The following TAF15 variants were observed in gnomAD, a reference collection of about 807,000 sequenced individuals.
The protein encoded by TAF15 is TATA-box binding protein associated factor 15.
A neutral mutation model predicts 102.5 loss-of-function variants in TAF15; 37 were observed. That is an observed-to-expected ratio of 0.36 (90% CI 0.28 to 0.47). The LOEUF (loss-of-function observed/expected upper bound fraction) is 0.47. Ranked by LOEUF, TAF15 falls within the 20% of genes least tolerant of loss-of-function variation. The probability of loss-of-function intolerance (pLI) is 0.99; values close to 1 mark genes in which losing one functional copy is unlikely to be tolerated. For missense variants in TAF15, 652 were observed against 760.7 expected, an observed-to-expected ratio of 0.86 and a Z score of 1.68; for synonymous variants, 273 against 259.2, an observed-to-expected ratio of 1.05 and a Z score of -0.51.
rs2087209980 is a variant in TAF15 at position 35,817,588 on chromosome 17, C to G, written c.8-128C>G. ...AAATTTCTTGTTTCATAGTATTTAA[C>G]TTGAGTTAGTTTTTCTTTCTGCAGT... On this transcript the variant is annotated intron_variant, in intron 1 of 15. Transcript: ENST00000605844. The G allele has an allele frequency of 6.4e-6, 5 of 784,836 alleles. No individual in the cohort carries two copies. The Admixed American group carries it at 1.2e-4, about 20-fold the overall frequency. The allele number at this position is 784,836 out of a possible 1,614,324, so 48.6% of individuals were successfully genotyped here.
chr17:35,827,812 A>T (rs568900618), intron 7 of TAF15, among the ~76,000 whole-genome samples: 6 of 152,324 alleles, frequency 3.9e-5, no homozygotes, highest in Admixed American at 1.3e-4. Context: ...CTAGAAGAAG[A>T]ATTCCCGGTC....
intron 7 of TAF15, among the ~76,000 whole-genome samples, chr17:35,829,641 AAAAAAAAAAAAAAAAG>A (rs1333011135): frequency 6.3e-4 from 87 of 138,424 alleles, no homozygotes; most frequent in African/African-American, 2.0e-3. Flanking sequence ...CAAAAAAAAA[AAAAAAAAAAAAAAAAG>A]AGAGAGAGAG....
intron 1 of TAF15, 60 bp downstream of exon 1, chr17:35,809,636 G>C: frequency 3.1e-6 from 5 of 1,610,788 alleles, no homozygotes; most frequent in Non-Finnish European, 4.2e-6. Context: ...GGGTTGGGCT[G>C]TCTTCCCGCC....
chr17:35,841,997 C>A (rs747810014), intron 11 of TAF15, among the ~76,000 whole-genome samples: 4 of 151,956 alleles, frequency 2.6e-5, no homozygotes, highest in Non-Finnish European at 5.9e-5. Context: ...TGCACCTGGC[C>A]TTTTTCTCCA....
chr17:35,836,367 G>A (rs2087475015), intron 10 of TAF15, 126 bp downstream of exon 10: 2 of 681,720 alleles, frequency 2.9e-6, no homozygotes, highest in East Asian at 2.7e-5. Flanking sequence ...GCACATGCTC[G>A]TTTATGTCTG....
intron 10 of TAF15, among the ~76,000 whole-genome samples, chr17:35,837,151 G>C (rs999645841): frequency 6.6e-6 from 1 of 151,884 alleles, no homozygotes; most frequent in Non-Finnish European, 1.5e-5. Context: ...TAATTTTGTT[G>C]TTGTCGTTGT....
intron 7 of TAF15, among the ~76,000 whole-genome samples, chr17:35,832,553 C>T (rs1251544530): frequency 1.3e-5 from 2 of 151,870 alleles, no homozygotes; most frequent in Non-Finnish European, 2.9e-5. Flanking sequence ...GGTTCCTCCC[C>T]CCACCCCCCA....
At chr17:35,816,208 G>A (rs907457764) in intron 1 of TAF15, among the ~76,000 whole-genome samples, 6 of 152,098 alleles carry the variant, frequency 3.9e-5, no homozygotes, top group African/African-American at 1.4e-4. Context: ...GGCAAATTTG[G>A]TATCACCCAC....
chr17:35,844,056 C>G lies in TAF15; in HGVS notation c.1007-21C>G, dbSNP rs574790812. The G allele has an allele frequency of 1.1e-5, 17 of 1,610,676 alleles. 1 individual carries two copies. In the South Asian group the frequency reaches 1.9e-4, roughly 18 times the overall value. ...GTTAATATCTGCTGCTGATTTTTCT[C>G]CCCTGGCCCCATCCCCCTAGGCCGT... On this transcript the variant is annotated intron_variant, in intron 12 of 15. Coordinates refer to ENST00000605844, the MANE Select transcript of TAF15 (RefSeq NM_139215.3).
intron 7 of TAF15, among the ~76,000 whole-genome samples, chr17:35,825,305 A>C (rs1435930792): frequency 6.6e-6 from 1 of 152,226 alleles, no homozygotes; most frequent in Non-Finnish European, 1.5e-5. Flanking sequence ...TGATAGCCAA[A>C]GTCAGTTTAC....
At chr17:35,826,850 G>A (rs778052107) in intron 7 of TAF15, among the ~76,000 whole-genome samples, 5 of 150,868 alleles carry the variant, frequency 3.3e-5, no homozygotes, top group African/African-American at 4.9e-5. Context: ...GAGCCACCAC[G>A]CCTGGCTGAA....
intron 1 of TAF15, chr17:35,816,928 A>G (rs1432494733): frequency 7.0e-6 from 1 of 142,432 alleles, no homozygotes; most frequent in African/African-American, 2.6e-5. Flanking sequence ...GGATCAGGTG[A>G]TCCACCTCAG....
chr17:35,823,036 T>C (rs187488171), intron 6 of TAF15, among the ~76,000 whole-genome samples: 1 of 152,350 alleles, frequency 6.6e-6, no homozygotes, highest in Admixed American at 6.5e-5. Context: ...GTCATGACTT[T>C]TGATGGCTGA....
At chr17:35,829,336 T>TA (rs1489551612) in intron 7 of TAF15, among the ~76,000 whole-genome samples, 1 of 150,898 alleles carries the variant, frequency 6.6e-6, no homozygotes, top group Non-Finnish European at 1.5e-5. Flanking sequence ...TTTTTTTTTT[T>TA]ATTAAAAGAT....
chr17:35,810,175 G>T (rs78876505), intron 1 of TAF15: 3,401 of 139,036 alleles, frequency 0.024, 67 homozygotes, highest in East Asian at 0.11. Flanking sequence ...GGGGGTGTTT[G>T]CATAGTAATT....
intron 7 of TAF15, among the ~76,000 whole-genome samples, chr17:35,824,641 T>C (rs1431302878): frequency 6.6e-6 from 1 of 152,080 alleles, no homozygotes; most frequent in Non-Finnish European, 1.5e-5. Flanking sequence ...AGTAATGGAG[T>C]AGAAAGGTGG....
chr17:35,828,258 G>C (rs1053333739), intron 7 of TAF15, among the ~76,000 whole-genome samples: 2 of 152,118 alleles, frequency 1.3e-5, no homozygotes, highest in African/African-American at 4.8e-5. Flanking sequence ...ATATGTATAC[G>C]TTCTGGTGAG....
intron 10 of TAF15, among the ~76,000 whole-genome samples, chr17:35,838,185 T>TA (rs1022688952): frequency 2.0e-5 from 3 of 151,932 alleles, no homozygotes; most frequent in East Asian, 1.9e-4. Flanking sequence ...CTGTCTCAAT[T>TA]AAAAAAAATT....
intron 7 of TAF15, among the ~76,000 whole-genome samples, chr17:35,828,024 T>A (rs1214636566): frequency 6.6e-6 from 1 of 152,214 alleles, no homozygotes; most frequent in South Asian, 2.1e-4. Context: ...ATTTTTAATT[T>A]TAGCATTGTG....
Sources: allele counts gnomAD v4.1 joint callset (sites outside exome capture counted in the v4.1 genomes callset), GRCh38; gene constraint gnomAD v4.1.1; transcripts MANE v1.5; gene names NCBI Gene and HGNC (gene_info 2026-07-23, HGNC 2026-07-21).